SEC14L5: variants seen among roughly 807,000 people sequenced by gnomAD.
The protein encoded by SEC14L5 is SEC14 like lipid binding 5, also known as SEC14-like protein 5.
A neutral mutation model predicts 84.6 loss-of-function variants in SEC14L5; 96 were observed. The ratio of observed to expected loss-of-function variants is 1.13; its 90% CI spans 0.96 to 1.34. SEC14L5 has a LOEUF of 1.34. Among genes scored for constraint, SEC14L5 ranks in the 40% most tolerant of loss-of-function variants. The pLI, the probability that SEC14L5 is intolerant of heterozygous loss-of-function variation, is 0.00. For missense variants in SEC14L5, 1,224 were observed against 942.5 expected, an observed-to-expected ratio of 1.30 and a Z score of -3.91; for synonymous variants, 546 against 383.4, an observed-to-expected ratio of 1.42 and a Z score of -4.95.
At chr16:4,969,857 AC>A (rs1955253856) in intron 2 of SEC14L5, among the ~76,000 whole-genome samples, 1 of 141,872 alleles carries the variant, frequency 7.0e-6, no homozygotes, top group Admixed American at 7.3e-5. Flanking sequence ...TCAGGTTGTC[AC>A]CCAGGCTGGG....
At chr16:4,980,266 C>G (rs1324430855) in intron 2 of SEC14L5, among the ~76,000 whole-genome samples, 1 of 152,230 alleles carries the variant, frequency 6.6e-6, no homozygotes, top group Non-Finnish European at 1.5e-5. Flanking sequence ...GGGATGGACG[C>G]CTTCCAGACG....
At chr16:4,986,118 G>A (rs754571176) in intron 2 of SEC14L5, among the ~76,000 whole-genome samples, 9 of 151,554 alleles carry the variant, frequency 5.9e-5, no homozygotes, top group African/African-American at 1.2e-4. Flanking sequence ...TCACCAACAC[G>A]TGCTGTTATG....
chr16:5,015,155 C>A lies in SEC14L5; in HGVS notation c.*185C>A, dbSNP rs116191621. On this transcript the variant is annotated 3_prime_UTR_variant, in exon 16 of 16. Transcript: ENST00000251170. ...AACTGGCCTGTGGGTGGTGTCAGGG[C>A]TCTTGAAATTGCAAGGACAGAACCA... 3 of 592,200 alleles carry A rather than the reference C, an allele frequency of 5.1e-6. No individual in the cohort carries two copies. Among genetic ancestry groups the A allele is most frequent in the East Asian group, 5.6e-5 (2 of 35,830 alleles). 36.7% of individuals were successfully genotyped at this position (592,200 alleles called of 1,614,324 possible).
chr16:4,986,271 C>G (rs1955486011), intron 2 of SEC14L5, among the ~76,000 whole-genome samples: 1 of 152,004 alleles, frequency 6.6e-6, no homozygotes, highest in South Asian at 2.1e-4. Context: ...TCCCAAGTAG[C>G]TGGGATTACA....
intron 2 of SEC14L5, among the ~76,000 whole-genome samples, chr16:4,962,679 T>C (rs1596610552): frequency 7.8e-6 from 1 of 128,260 alleles, no homozygotes. Context: ...AGAGTGAAAC[T>C]CTGTCTCAAA....
At position 5,000,887 on chromosome 16, in the gene SEC14L5, G is replaced by T. The variant is rs762109015; in HGVS notation, c.1092G>T (p.Arg364=). The change falls in exon 10 of 16, where the codon CGG becomes CGT. Residue 364 remains arginine (R), a synonymous_variant. Transcript: ENST00000251170. ...CCGTCAACGAGGAAGGACAGAAGCGGTGTGAGGGGAGCACAAGGCAGCTGG... is the reference window on the plus strand; with the variant it reads ...CCGTCAACGAGGAAGGACAGAAGCGTTGTGAGGGGAGCACAAGGCAGCTGG... ...VLSVNEEGQK[R]CEGSTRQLGR... 1.2e-6 allele frequency: 2 copies of T among 1,609,258 alleles called. No individual in the cohort carries two copies. Among genetic ancestry groups the T allele is most frequent in the African/African-American group, 1.3e-5 (1 of 74,988 alleles).
intron 6 of SEC14L5, among the ~76,000 whole-genome samples, chr16:4,995,463 C>T (rs761263269): frequency 3.9e-5 from 6 of 152,188 alleles, no homozygotes; most frequent in African/African-American, 1.2e-4. Context: ...CTGTTAAAAG[C>T]TGCTGTCTGT....
At chr16:5,010,445 A>T (rs1286325223) in intron 14 of SEC14L5, among the ~76,000 whole-genome samples, 2 of 152,136 alleles carry the variant, frequency 1.3e-5, no homozygotes, top group African/African-American at 4.8e-5. Flanking sequence ...TGATCCCCAC[A>T]TTCTCCAGGA....
intron 10 of SEC14L5, among the ~76,000 whole-genome samples, chr16:5,002,112 G>GT (rs1424779245): frequency 6.6e-6 from 1 of 152,158 alleles, no homozygotes; most frequent in Non-Finnish European, 1.5e-5. Context: ...AATAATAAGG[G>GT]TTTAAAAATA....
chr16:5,014,998 C>A lies in SEC14L5; in HGVS notation c.*28C>A. On this transcript the variant is annotated 3_prime_UTR_variant, in exon 16 of 16. Coordinates refer to ENST00000251170, the MANE Select transcript of SEC14L5 (RefSeq NM_014692.2). ...GGGCCCAGTGTTTCAGGGCCGCCCG[C>A]TCGCCTCCAGTGTCCAGAAATGTCC... 6.5e-7 allele frequency: 1 copy of A among 1,540,140 alleles called. No homozygotes were observed. The highest frequency in any genetic ancestry group is 8.9e-7 in the Non-Finnish European group (1 of 1,120,666).
intron 11 of SEC14L5, among the ~76,000 whole-genome samples, chr16:5,004,220 G>A (rs1000200847): frequency 3.9e-5 from 6 of 152,208 alleles, no homozygotes; most frequent in African/African-American, 1.2e-4. Context: ...AGGGGAGGGT[G>A]GGGGACAGAC....
intron 4 of SEC14L5, among the ~76,000 whole-genome samples, chr16:4,989,794 A>G (rs771854775): frequency 7.9e-5 from 12 of 152,126 alleles, no homozygotes; most frequent in Non-Finnish European, 1.8e-4. Flanking sequence ...GAGTTCTATC[A>G]ATAGCTGAGT....
chr16:4,978,722 C>A lies in SEC14L5; in HGVS notation c.64-8835C>A, dbSNP rs1248385049. On this transcript the variant is annotated intron_variant, in intron 2 of 15. Coordinates refer to ENST00000251170, the MANE Select transcript of SEC14L5 (RefSeq NM_014692.2). ...GGTTCAGGCCATTTTCCTGCCTCAG[C>A]CTCCCGAGTAGCTGGAACTACAGGC... Among the ~76,000 whole-genome samples, 4 of 152,074 alleles carry A rather than the reference C, an allele frequency of 2.6e-5. No homozygotes were observed. In the East Asian group the frequency reaches 7.8e-4, roughly 30 times the overall value.
chr16:4,963,138 C>T (rs1344225148), intron 2 of SEC14L5, among the ~76,000 whole-genome samples: 1 of 152,198 alleles, frequency 6.6e-6, no homozygotes, highest in Non-Finnish European at 1.5e-5. Flanking sequence ...CTGACAATGA[C>T]ACAAATGACT....
At chr16:4,958,935 G>C (rs572200195) in intron 1 of SEC14L5, among the ~76,000 whole-genome samples, 2 of 152,190 alleles carry the variant, frequency 1.3e-5, no homozygotes, top group East Asian at 3.9e-4. Flanking sequence ...GTGCATGCGT[G>C]AATAGAACCG....
chr16:5,005,439 C>A (rs1484587359), intron 11 of SEC14L5, among the ~76,000 whole-genome samples: 1 of 151,810 alleles, frequency 6.6e-6, no homozygotes, highest in African/African-American at 2.4e-5. Context: ...AATGGGGTTT[C>A]CTTCTGGGGT....
chr16:4,991,787 C>T, intron 5 of SEC14L5, 51 bp from the exon 6 acceptor site: 1 of 1,326,690 alleles, frequency 7.5e-7, no homozygotes, highest in Non-Finnish European at 1.0e-6. Context: ...TCCTGTGACC[C>T]CCCTCCATCC....
chr16:5,013,519 T>TG (rs1278695687), intron 15 of SEC14L5, among the ~76,000 whole-genome samples: 1 of 144,974 alleles, frequency 6.9e-6, no homozygotes, highest in Non-Finnish European at 1.5e-5. Flanking sequence ...CCCAAGTAGC[T>TG]GGGACTATAG....
At chr16:4,977,347 C>T (rs535285878) in intron 2 of SEC14L5, among the ~76,000 whole-genome samples, 40 of 142,516 alleles carry the variant, frequency 2.8e-4, no homozygotes, top group Admixed American at 6.7e-4. Context: ...CTTGGGAGGC[C>T]GAGGCAGGAG....
Sources: gnomAD v4.1 joint callset for allele counts (sites outside exome capture counted in the v4.1 genomes callset) on GRCh38, gnomAD v4.1.1 for gene constraint, MANE v1.5 for transcripts, NCBI Gene and HGNC (gene_info 2026-07-23, HGNC 2026-07-21) for gene names.